PARD3B: variants seen among roughly 807,000 people sequenced by gnomAD.
PARD3B encodes partitioning defective 3 homolog B.
In PARD3B, 103 loss-of-function variants were observed where a neutral mutation model predicts 130.2. The observed-to-expected ratio is 0.79, with a 90% confidence interval of 0.67 to 0.93. The LOEUF (loss-of-function observed/expected upper bound fraction) is 0.93. Ranked by LOEUF, PARD3B falls within the 40% of genes least tolerant of loss-of-function variation. The pLI is 0.00. For synonymous variants in PARD3B, 583 were observed against 553.2 expected (o/e 1.05, Z -0.76); for missense variants, 1,609 against 1,499.2 (o/e 1.07, Z -1.21).
At chr2:204,643,336 A>G (rs1358404052) in intron 1 of PARD3B, among the ~76,000 whole-genome samples, 1 of 151,744 alleles carries the variant, frequency 6.6e-6, no homozygotes. Flanking sequence ...ATTACATCCT[A>G]ACTCCCCATT....
chr2:205,487,786 T>C (rs1465040979), intron 20 of PARD3B, among the ~76,000 whole-genome samples: 1 of 152,228 alleles, frequency 6.6e-6, no homozygotes, highest in East Asian at 1.9e-4. Context: ...ATGTCAGATA[T>C]GTATTCTTAA....
At chr2:205,023,895 G>T (rs1024480886) in intron 3 of PARD3B, among the ~76,000 whole-genome samples, 3 of 152,048 alleles carry the variant, frequency 2.0e-5, no homozygotes, top group Non-Finnish European at 2.9e-5. Context: ...CTGTTTGGGG[G>T]ATAGGAGTGC....
intron 22 of PARD3B, among the ~76,000 whole-genome samples, chr2:205,560,089 C>A (rs2053073964): frequency 6.6e-6 from 1 of 152,196 alleles, no homozygotes; most frequent in East Asian, 1.9e-4. Context: ...AGTCCAACAG[C>A]TAAAATGTGG....
intron 1 of PARD3B, among the ~76,000 whole-genome samples, chr2:204,585,438 A>G (rs1381062131): frequency 6.6e-6 from 1 of 151,242 alleles, no homozygotes; most frequent in Non-Finnish European, 1.5e-5. Context: ...GCCTGAAGTG[A>G]TCTTCCCATC....
chr2:205,113,298 T>C (rs1185632750), intron 5 of PARD3B, among the ~76,000 whole-genome samples, 193 bp from the exon 6 acceptor site: 1 of 152,170 alleles, frequency 6.6e-6, no homozygotes, highest in African/African-American at 2.4e-5. Flanking sequence ...AGATAGACTT[T>C]TAAACATTTT....
At chr2:205,282,255 A>G (rs996686903) in intron 16 of PARD3B, among the ~76,000 whole-genome samples, 4 of 152,004 alleles carry the variant, frequency 2.6e-5, no homozygotes, top group Admixed American at 6.6e-5. Context: ...ATCCAAAATA[A>G]TATGTGATTG....
chr2:204,877,355 C>T (rs2045884381), intron 2 of PARD3B, among the ~76,000 whole-genome samples: 1 of 152,090 alleles, frequency 6.6e-6, no homozygotes. Context: ...ATGTAACAAA[C>T]CTGCACGTTG....
intron 15 of PARD3B, among the ~76,000 whole-genome samples, chr2:205,243,059 A>C (rs2039422455): frequency 6.6e-6 from 1 of 152,086 alleles, no homozygotes; most frequent in Non-Finnish European, 1.5e-5. Context: ...CCAGCTACTC[A>C]GGAGGCTGAG....
intron 3 of PARD3B, among the ~76,000 whole-genome samples, chr2:205,040,800 G>A (rs1429649556): frequency 1.3e-5 from 2 of 152,036 alleles, no homozygotes; most frequent in Non-Finnish European, 2.9e-5. Flanking sequence ...GTCAACAGTC[G>A]TGGAAGGAGA....
At position 205,592,429 on chromosome 2, in the gene PARD3B, G is replaced by A. The variant is rs2106602026; in HGVS notation, c.3261-23027G>A. On this transcript the variant is annotated intron_variant, in intron 22 of 22. Transcript: ENST00000406610. The surrounding 1 kb of genome is among the most constrained non-coding windows in gnomAD (Gnocchi z 4.5). ...CTTTCCCACAACAGGAATCTCCAGC[G>A]AACATCCACTAATAAACTTTATATT... Among the ~76,000 whole-genome samples, 1 of 152,198 alleles carries A rather than the reference G, an allele frequency of 6.6e-6. No homozygotes were observed. The highest frequency in any genetic ancestry group is 2.1e-4 in the South Asian group (1 of 4,810).
At chr2:204,839,689 A>G (rs776131922) in intron 2 of PARD3B, among the ~76,000 whole-genome samples, 2 of 152,166 alleles carry the variant, frequency 1.3e-5, no homozygotes, top group Non-Finnish European at 2.9e-5. Flanking sequence ...CAACAAATGC[A>G]GGGAGGAAAA....
intron 1 of PARD3B, among the ~76,000 whole-genome samples, chr2:204,604,770 G>A (rs996310937): frequency 3.3e-5 from 5 of 152,114 alleles, no homozygotes; most frequent in African/African-American, 1.2e-4. Flanking sequence ...TTCTACTCCA[G>A]CATAGCAAAC....
At chr2:205,194,998 C>T (rs1047609750) in intron 15 of PARD3B, among the ~76,000 whole-genome samples, 20 of 141,342 alleles carry the variant, frequency 1.4e-4, no homozygotes, top group African/African-American at 5.0e-4. Context: ...GGGGTTTCTC[C>T]ATGTTGGCCG....
intron 15 of PARD3B, among the ~76,000 whole-genome samples, chr2:205,198,423 C>T (rs562657528): frequency 6.6e-6 from 1 of 152,288 alleles, no homozygotes; most frequent in South Asian, 2.1e-4. Context: ...AAAAACTCTC[C>T]CTAAAATCAA....
chr2:205,398,969 T>A (rs981348292), intron 18 of PARD3B, among the ~76,000 whole-genome samples: 12 of 152,060 alleles, frequency 7.9e-5, no homozygotes, highest in Non-Finnish European at 1.8e-4. Context: ...CATGTATAAT[T>A]TGAAAAAGTC....
At chr2:205,365,234 T>G (rs953389275) in intron 18 of PARD3B, among the ~76,000 whole-genome samples, 2 of 149,960 alleles carry the variant, frequency 1.3e-5, no homozygotes, top group African/African-American at 4.9e-5. Context: ...GGGCATGGTA[T>G]GGTGGCAGGC....
intron 1 of PARD3B, among the ~76,000 whole-genome samples, chr2:204,573,353 C>G (rs1157405793): frequency 6.6e-6 from 1 of 152,162 alleles, no homozygotes; most frequent in African/African-American, 2.4e-5. Context: ...TGGAGCATTA[C>G]TGAACACCAG....
intron 2 of PARD3B, among the ~76,000 whole-genome samples, chr2:204,735,078 A>T (rs1009650551): frequency 1.4e-5 from 2 of 146,042 alleles, no homozygotes; most frequent in Non-Finnish European, 1.5e-5. Flanking sequence ...TCGTTACAGT[A>T]GCAATTGATC....
At chr2:205,489,510 CGTAT>C (rs2049591575) in intron 20 of PARD3B, among the ~76,000 whole-genome samples, 1 of 130,232 alleles carries the variant, frequency 7.7e-6, no homozygotes, top group Non-Finnish European at 1.6e-5. Flanking sequence ...TATATATATA[CGTAT>C]ATATATATAC....
Sources: allele counts gnomAD v4.1 joint callset (sites outside exome capture counted in the v4.1 genomes callset), GRCh38; gene constraint gnomAD v4.1.1; non-coding constraint Gnocchi (gnomAD v3.1); transcripts MANE v1.5; gene names NCBI Gene and HGNC (gene_info 2026-07-23, HGNC 2026-07-21).